The following IGHMBP2 variants were observed in gnomAD, a reference collection of about 807,000 sequenced individuals.
IGHMBP2 encodes DNA-binding protein SMUBP-2.
Under a neutral mutation model 96.0 loss-of-function variants are expected in IGHMBP2, and 81 were observed. That is an observed-to-expected ratio of 0.84 (90% confidence interval 0.71 to 1.01). The LOEUF (loss-of-function observed/expected upper bound fraction) is 1.01. Ranked by LOEUF, IGHMBP2 falls within the 50% of genes least tolerant of loss-of-function variation. The pLI is 0.00. For synonymous variants in IGHMBP2, 557 were observed against 548.9 expected (o/e 1.01, Z -0.21); for missense variants, 1,227 against 1,306.3 (o/e 0.94, Z 0.94).
intron 6 of IGHMBP2, 143 bp downstream of exon 6, chr11:68,915,166 C>CTTTTTTTTTGTTTT (rs1858606399): frequency 5.7e-6 from 1 of 176,576 alleles, no homozygotes; most frequent in Non-Finnish European, 9.5e-6. Flanking sequence ...TTGGGCTGCC[C>CTTTTTTTTTGTTTT]TTTTTTTTTT....
At chr11:68,937,891 AG>A (rs1859613018) in intron 13 of IGHMBP2, 1 of 463,988 alleles carries the variant, frequency 2.2e-6, no homozygotes, top group Admixed American at 3.4e-5. Flanking sequence ...GCTAGAGGAC[AG>A]GACTGATGCC....
intron 7 of IGHMBP2, among the ~76,000 whole-genome samples, chr11:68,922,462 C>G (rs988995602): frequency 1.3e-5 from 2 of 151,942 alleles, no homozygotes; most frequent in Non-Finnish European, 2.9e-5. Flanking sequence ...GTGGCGCAAT[C>G]TTGGCTCACT....
At chr11:68,935,016 A>G (rs371425870) in intron 11 of IGHMBP2, among the ~76,000 whole-genome samples, 1 of 152,360 alleles carries the variant, frequency 6.6e-6, no homozygotes, top group African/African-American at 2.4e-5. Context: ...AGTGGCCATC[A>G]TACCTTCCTG....
chr11:68,926,599 G>A (rs902637806), intron 7 of IGHMBP2, among the ~76,000 whole-genome samples: 1 of 151,854 alleles, frequency 6.6e-6, no homozygotes. Flanking sequence ...AATTATTCCT[G>A]TCTCTTTATT....
intron 7 of IGHMBP2, among the ~76,000 whole-genome samples, chr11:68,921,684 G>A (rs1023262413): frequency 6.6e-6 from 1 of 152,078 alleles, no homozygotes; most frequent in Non-Finnish European, 1.5e-5. Context: ...AAATGTCTTC[G>A]TATTTGCCCG....
intron 4 of IGHMBP2, among the ~76,000 whole-genome samples, chr11:68,909,713 C>T (rs542151675): frequency 3.3e-5 from 5 of 151,100 alleles, no homozygotes; most frequent in Admixed American, 6.6e-5. Flanking sequence ...CTGCAACCTC[C>T]GCCTCCTGGG....
chr11:68,911,456 C>A lies in IGHMBP2; in HGVS notation c.564C>A (p.Phe188Leu), dbSNP rs753055603. ...PASEIHPLTF[F>L]NTCLDTSQKE... ...CTTCCACAGACCCGCTGACATTCTT[C>A]AACACCTGCCTGGACACCTCCCAGA... The change falls in exon 5 of 15, where the codon TTC (phenylalanine) becomes TTA (leucine). Residue 188 changes from phenylalanine (F) to leucine (L), a missense_variant. Around this residue, in one of 3 missense-constraint regions of IGHMBP2, gnomAD observed 507 missense variants for 496.9 expected, o/e 1.02. Coordinates refer to ENST00000255078, the MANE Select transcript of IGHMBP2 (RefSeq NM_002180.3). The A allele has an allele frequency of 9.9e-6, 16 of 1,613,902 alleles. No homozygotes were observed. The South Asian group carries it at 1.8e-4, about 18-fold the overall frequency.
At position 68,935,284 on chromosome 11, in the gene IGHMBP2, C is replaced by T. The variant is rs144167929; in HGVS notation, c.1633-15C>T. On this transcript the variant is annotated splice_polypyrimidine_tract_variant and intron_variant, in intron 11 of 14. Transcript: ENST00000255078. ...ATGGGTGGGTGAGGAAACCACAGCCCGGCTGGTGTTTCAGGTGGACCTGCT... is the reference window on the plus strand; with the variant it reads ...ATGGGTGGGTGAGGAAACCACAGCCTGGCTGGTGTTTCAGGTGGACCTGCT... The T allele has an allele frequency of 1.1e-5, 18 of 1,613,618 alleles. No homozygotes were observed. The highest frequency in any genetic ancestry group is 1.7e-4 in the Middle Eastern group (1 of 6,008).
chr11:68,904,803 C>CTTTTTTTTTTTTTT (rs1555241972), intron 1 of IGHMBP2, among the ~76,000 whole-genome samples: 6 of 120,992 alleles, frequency 5.0e-5, no homozygotes, highest in East Asian at 2.3e-4. Flanking sequence ...TTTTCTTTTT[C>CTTTTTTTTTTTTTT]TTTTTTTTTT....
In IGHMBP2 at chr11:68,906,159, G is replaced by C. The variant is rs776499527; in HGVS notation, c.177G>C (p.Leu59=). Residue 59 remains leucine (L), a synonymous_variant, in exon 2 of 15, where the codon CTG becomes CTC. Coordinates refer to ENST00000255078, the MANE Select transcript of IGHMBP2 (RefSeq NM_002180.3). ...KLQVSSQRTG[L]YGRLLVTFEP... is the part of the protein sequence containing the mutation. ...AGGTATCCAGCCAGCGCACTGGGCTGTACGGACGGCTGCTGGTCACCTTTG... is the reference window on the plus strand; with the variant it reads ...AGGTATCCAGCCAGCGCACTGGGCTCTACGGACGGCTGCTGGTCACCTTTG... The C allele has an allele frequency of 1.2e-6, 2 of 1,614,206 alleles. No individual in the cohort carries two copies. The highest frequency in any genetic ancestry group is 8.5e-7 in the Non-Finnish European group (1 of 1,180,044).
At chr11:68,905,369 T>A (rs1858149010) in intron 1 of IGHMBP2, among the ~76,000 whole-genome samples, 1 of 152,230 alleles carries the variant, frequency 6.6e-6, no homozygotes. Flanking sequence ...TGAGCCTTAC[T>A]TACTTCATCT....
Position 68,906,063 on chromosome 11 carries a change from T to C in IGHMBP2, c.87-6T>C. ...TCCTGAAGCATCAATACCGGGTGTC[T>C]TCCAGGTCCTGGCAGGAGAACATCT... On this transcript the variant is annotated splice_region_variant and splice_polypyrimidine_tract_variant and intron_variant, in intron 1 of 14. Transcript: ENST00000255078. 6.2e-7 allele frequency: 1 copy of C among 1,613,962 alleles called. No individual in the cohort carries two copies. Among genetic ancestry groups the C allele is most frequent in the Non-Finnish European group, 8.5e-7 (1 of 1,179,886 alleles).
At chr11:68,920,698 G>T (rs1858844501) in intron 7 of IGHMBP2, among the ~76,000 whole-genome samples, 1 of 152,136 alleles carries the variant, frequency 6.6e-6, no homozygotes, top group South Asian at 2.1e-4. Flanking sequence ...TGCCCAGGCT[G>T]GTCTGGAGTT....
intron 5 of IGHMBP2, among the ~76,000 whole-genome samples, chr11:68,913,567 C>T (rs368862802): frequency 5.3e-5 from 8 of 152,120 alleles, no homozygotes; most frequent in African/African-American, 9.6e-5. Flanking sequence ...CCTTGGCCTC[C>T]CAAAGTGCTG....
intron 9 of IGHMBP2, 136 bp from the exon 10 acceptor site, chr11:68,933,659 C>A: frequency 1.0e-6 from 1 of 987,496 alleles, no homozygotes; most frequent in Non-Finnish European, 1.6e-6. Context: ...CCGCTCCCTC[C>A]CTTCTGATGT....
Position 68,918,694 on chromosome 11 carries a change from C to G in IGHMBP2, c.1060+811C>G, listed in dbSNP as rs138260609. ...AAACAAAGCAAAACAAAAAAAGAGA[C>G]AGGGTCTCACTATGTTGCCCAGGCT... On this transcript the variant is annotated intron_variant, in intron 7 of 14. Transcript: ENST00000255078. Among the ~76,000 whole-genome samples the G allele has an allele frequency of 8.8e-4, 134 of 152,178 alleles. No individual in the cohort carries two copies. In the East Asian group the frequency reaches 9.7e-3, roughly 11 times the overall value.
At chr11:68,913,440 C>G (rs1279367200) in intron 5 of IGHMBP2, among the ~76,000 whole-genome samples, 1 of 151,960 alleles carries the variant, frequency 6.6e-6, no homozygotes, top group East Asian at 1.9e-4. Context: ...TTGTTTTGAG[C>G]TTAAGGGCCT....
chr11:68,936,185 CTG>C, intron 12 of IGHMBP2, 50 bp from the exon 13 acceptor site: 2 of 1,604,252 alleles, frequency 1.2e-6, no homozygotes, highest in South Asian at 1.1e-5. Context: ...AGGAGCCTGA[CTG>C]TGTTTCTTAG....
At chr11:68,919,263 C>G (rs549219690) in intron 7 of IGHMBP2, among the ~76,000 whole-genome samples, 1 of 148,490 alleles carries the variant, frequency 6.7e-6, no homozygotes, top group Non-Finnish European at 1.5e-5. Flanking sequence ...CTTCTTCTCT[C>G]CTCTCCTCAT....
Sources: allele counts gnomAD v4.1 joint callset (sites outside exome capture counted in the v4.1 genomes callset), GRCh38; gene constraint gnomAD v4.1.1; regional missense constraint gnomAD v4.1.1; transcripts MANE v1.5; gene names NCBI Gene and HGNC (gene_info 2026-07-23, HGNC 2026-07-21).